The following ADGRV1 variants were observed in gnomAD, a reference collection of about 807,000 sequenced individuals.
ADGRV1 encodes the protein adhesion G protein-coupled receptor V1, also known as G-protein coupled receptor 98.
Under a neutral mutation model 596.2 loss-of-function variants are expected in ADGRV1, and 359 were observed. The ratio of observed to expected loss-of-function variants is 0.60; its 90% CI spans 0.55 to 0.66. The LOEUF (loss-of-function observed/expected upper bound fraction) is 0.66, where lower values mean the gene tolerates loss of function less well. Among genes scored for constraint, ADGRV1 ranks in the 30% least tolerant of loss-of-function variants. The probability of loss-of-function intolerance (pLI) is 0.00; values close to 1 mark genes in which losing one functional copy is unlikely to be tolerated. For synonymous variants in ADGRV1, 2,681 were observed against 2,679.2 expected, an observed-to-expected ratio of 1.00 and a Z score of -0.02; for missense variants, 7,274 against 7,575.6, an observed-to-expected ratio of 0.96 and a Z score of 1.48.
intron 85 of ADGRV1, among the ~76,000 whole-genome samples, chr5:91,017,069 G>A (rs971860378): frequency 6.6e-6 from 1 of 151,914 alleles, no homozygotes; most frequent in Non-Finnish European, 1.5e-5. Context: ...CACAAGAATT[G>A]ACACACATTT....
rs1772634310 is a variant in ADGRV1 at position 90,909,382 on chromosome 5, GC to G, written c.17856+45528del. 3.3e-5 allele frequency among the ~76,000 whole-genome samples: 5 copies of G among 152,036 alleles called. No individual in the cohort carries two copies. The South Asian group carries it at 8.3e-4, about 25-fold the overall frequency. On this transcript the variant is annotated intron_variant, in intron 83 of 89. Coordinates refer to ENST00000405460, the MANE Select transcript of ADGRV1 (RefSeq NM_032119.4). ...GATTTCTCCTCTACCTTTCTTGTCT[GC>G]CCTCCTGTGACCTATATGTTGTAAC...
chr5:90,696,878 G>A (rs1037608715), intron 33 of ADGRV1, 59 bp from the exon 34 acceptor site: 2 of 1,250,008 alleles, frequency 1.6e-6, no homozygotes, highest in Admixed American at 4.3e-5. Context: ...GGGCCTTTCT[G>A]AGTTCTCTGT....
intron 83 of ADGRV1, among the ~76,000 whole-genome samples, chr5:90,932,682 A>G (rs950480707): frequency 2.0e-5 from 3 of 152,098 alleles, no homozygotes; most frequent in Admixed American, 6.6e-5. Flanking sequence ...GTTGTGAACA[A>G]TTGAAAACAT....
rs202191384 is a variant in ADGRV1 at position 91,073,705 on chromosome 5, C to CT, written c.18310+1109dup. Among the ~76,000 whole-genome samples the CT allele has an allele frequency of 5.3e-3, 803 of 152,112 alleles. 6 individuals carry two copies. The highest frequency in any genetic ancestry group is 0.019 in the African/African-American group (773 of 41,506). On this transcript the variant is annotated intron_variant, in intron 86 of 89. Coordinates refer to ENST00000405460, the MANE Select transcript of ADGRV1 (RefSeq NM_032119.4). Reference sequence around the variant, plus strand: ...GCAATCATTGTGTTGGCAGAATTTTCTTTTTTTTCTGAGACAGGGTCTTAC... The same window carrying CT: ...GCAATCATTGTGTTGGCAGAATTTTCTTTTTTTTTCTGAGACAGGGTCTTAC...
Position 90,846,112 on chromosome 5 carries a change from T to G in ADGRV1, c.17020-2525T>G, listed in dbSNP as rs141719812. Among the ~76,000 whole-genome samples the G allele has an allele frequency of 2.2e-3, 328 of 152,358 alleles. 1 individual carries two copies. The highest frequency in any genetic ancestry group is 7.4e-3 in the African/African-American group (307 of 41,568). ...TGAGGAACATGATCCACTTTCACGA[T>G]GAGCTTGAAACAGATAAATCATTTC... On this transcript the variant is annotated intron_variant, in intron 78 of 89. Transcript: ENST00000405460.
At chr5:90,669,318 G>C (rs1580675052) in intron 21 of ADGRV1, among the ~76,000 whole-genome samples, 1 of 152,146 alleles carries the variant, frequency 6.6e-6, no homozygotes, top group South Asian at 2.1e-4. Context: ...CTTAAGGTTG[G>C]AGTGCCCTAC....
At chr5:90,709,045 T>C in intron 39 of ADGRV1, 136 bp downstream of exon 39, 1 of 571,940 alleles carries the variant, frequency 1.7e-6, no homozygotes, top group South Asian at 3.0e-5. Flanking sequence ...GCTTTTATAT[T>C]TATTTTTGAT....
intron 1 of ADGRV1, among the ~76,000 whole-genome samples, chr5:90,569,393 T>A (rs1377777817): frequency 7.8e-4 from 71 of 91,358 alleles, no homozygotes; most frequent in African/African-American, 1.3e-3. Context: ...ATATATTTTT[T>A]TTTTTTTTTT....
At chr5:91,013,670 T>C (rs1782907161) in intron 85 of ADGRV1, among the ~76,000 whole-genome samples, 1 of 152,150 alleles carries the variant, frequency 6.6e-6, no homozygotes, top group Non-Finnish European at 1.5e-5. Flanking sequence ...CTGTTTTCTC[T>C]GTTGATAGTT....
intron 85 of ADGRV1, among the ~76,000 whole-genome samples, chr5:91,021,551 G>A (rs1389736017): frequency 1.3e-5 from 2 of 152,086 alleles, no homozygotes. Context: ...CCCACACAGT[G>A]AACCAGGTTA....
chr5:90,903,450 A>G (rs1258677889), intron 83 of ADGRV1, among the ~76,000 whole-genome samples: 2 of 152,018 alleles, frequency 1.3e-5, no homozygotes, highest in Non-Finnish European at 2.9e-5. Context: ...TTTAAATAAT[A>G]GCAATATTTT....
In ADGRV1 at chr5:90,848,788, T is replaced by A; in HGVS notation, c.17171T>A (p.Leu5724Gln). The A allele has an allele frequency of 6.3e-7, 1 of 1,586,772 alleles. No individual in the cohort carries two copies. Among genetic ancestry groups the A allele is most frequent in the Non-Finnish European group, 8.5e-7 (1 of 1,170,144 alleles). Residue 5724 changes from leucine (L) to glutamine (Q), a missense_variant, in exon 79 of 90, where the codon CTG (leucine) becomes CAG (glutamine). Coordinates refer to ENST00000405460, the MANE Select transcript of ADGRV1 (RefSeq NM_032119.4). ...ACTGAGAATTTTGCCTTTTCTCTGC[T>A]GACTAATGTTACTTGCGGCTCTCCT... is the stretch of plus-strand genomic sequence containing the variant. ...EVTENFAFSLLTNVTCGSPGE... is the reference protein window; with the variant it reads ...EVTENFAFSLQTNVTCGSPGE...
chr5:90,665,971 C>T (rs1214456795), intron 21 of ADGRV1, among the ~76,000 whole-genome samples: 1 of 150,136 alleles, frequency 6.7e-6, no homozygotes, highest in African/African-American at 2.5e-5. Flanking sequence ...GCACTGTGGT[C>T]TGAGAGATAG....
chr5:90,680,684 GTTAA>G (rs1425555912), intron 26 of ADGRV1, among the ~76,000 whole-genome samples: 1 of 152,132 alleles, frequency 6.6e-6, no homozygotes, highest in Non-Finnish European at 1.5e-5. Context: ...AACCTCTGTA[GTTAA>G]TTACACTATT....
At chr5:90,971,553 T>C (rs1192869875) in intron 84 of ADGRV1, among the ~76,000 whole-genome samples, 1 of 152,170 alleles carries the variant, frequency 6.6e-6, no homozygotes, top group Non-Finnish European at 1.5e-5. Flanking sequence ...TATTCAACAT[T>C]CTTAAAGAAA....
chr5:90,983,273 G>A (rs191455716), intron 84 of ADGRV1, among the ~76,000 whole-genome samples: 1 of 152,270 alleles, frequency 6.6e-6, no homozygotes, highest in Admixed American at 6.5e-5. Flanking sequence ...ATTTGTCTCA[G>A]TCTTATCTGA....
intron 87 of ADGRV1, among the ~76,000 whole-genome samples, chr5:91,128,196 A>G (rs991643454): frequency 6.6e-6 from 1 of 151,506 alleles, no homozygotes; most frequent in Non-Finnish European, 1.5e-5. Flanking sequence ...AATTACCCCT[A>G]GATTTATTGT....
intron 17 of ADGRV1, among the ~76,000 whole-genome samples, chr5:90,648,890 C>T (rs893133947): frequency 1.4e-4 from 22 of 152,052 alleles, no homozygotes; most frequent in African/African-American, 4.6e-4. Context: ...TGAATCCATT[C>T]GTTGTTCTAA....
chr5:90,711,401 G>A (rs1213148617), intron 41 of ADGRV1, 79 bp downstream of exon 41: 22 of 1,048,370 alleles, frequency 2.1e-5, no homozygotes, highest in Non-Finnish European at 2.9e-5. Flanking sequence ...CAGTGATTTA[G>A]GTCCCATATA....
Sources: gnomAD v4.1 joint callset for allele counts (sites outside exome capture counted in the v4.1 genomes callset) on GRCh38, gnomAD v4.1.1 for gene constraint, MANE v1.5 for transcripts, NCBI Gene and HGNC (gene_info 2026-07-23, HGNC 2026-07-21) for gene names.